The following VIT variants were observed in gnomAD, a reference collection of about 807,000 sequenced individuals.
VIT encodes the protein vitrin.
VIT carries 99 observed loss-of-function variants against 78.0 expected under a neutral mutation model. The observed-to-expected ratio is 1.27, with a 90% CI of 1.08 to 1.50. VIT has a LOEUF of 1.50. Ranked by LOEUF, VIT falls within the 40% of genes most tolerant of loss-of-function variation. VIT has a pLI of 0.00. For synonymous variants in VIT, 374 were observed against 334.3 expected, an observed-to-expected ratio of 1.12 and a Z score of -1.29; for missense variants, 1,126 against 875.3, an observed-to-expected ratio of 1.29 and a Z score of -3.61.
At position 36,726,362 on chromosome 2, in the gene VIT, T is replaced by A. The variant is rs1307943280; in HGVS notation, c.53-3064T>A. ...AAGTTATTGAACATTGTAAAAAACA[T>A]GAGGGATCAAATGTTTGTTTAAAAG... On this transcript the variant is annotated intron_variant, in intron 2 of 15. Coordinates refer to ENST00000379242, the MANE Select transcript of VIT (RefSeq NM_053276.4). Among the ~76,000 whole-genome samples, 5 of 152,174 alleles carry A rather than the reference T, an allele frequency of 3.3e-5. No homozygotes were observed. In the South Asian group the frequency reaches 1.0e-3, roughly 31 times the overall value.
chr2:36,767,212 G>A lies in VIT; in HGVS notation c.606G>A (p.Arg202=), dbSNP rs755436605. Residue 202 remains arginine, a synonymous_variant, in exon 7 of 16, where the codon AGG becomes AGA. Coordinates refer to ENST00000379242, the MANE Select transcript of VIT (RefSeq NM_053276.4). ...TGGCCACCCCCACCACCTTGCCAAGGCCATCCCCTTCTGCTGCTTCTACCA... is the reference window on the plus strand; with the variant it reads ...TGGCCACCCCCACCACCTTGCCAAGACCATCCCCTTCTGCTGCTTCTACCA... ...VAVATPTTLP[R]PSPSAASTTS... is the part of the protein sequence containing the mutation. The A allele has an allele frequency of 4.4e-6, 7 of 1,608,330 alleles. No homozygotes were observed. Among genetic ancestry groups the A allele is most frequent in the South Asian group, 3.3e-5 (3 of 89,716 alleles).
At chr2:36,736,733 C>T (rs891445301) in intron 3 of VIT, among the ~76,000 whole-genome samples, 31 of 152,218 alleles carry the variant, frequency 2.0e-4, no homozygotes, top group Non-Finnish European at 2.9e-4. Context: ...CTATCCCCAA[C>T]ACACACTCAG....
intron 5 of VIT, among the ~76,000 whole-genome samples, chr2:36,758,732 A>C (rs1668918949): frequency 6.6e-6 from 1 of 152,260 alleles, no homozygotes; most frequent in South Asian, 2.1e-4. Flanking sequence ...GATGTTAAGC[A>C]ACTCTGAATC....
chr2:36,813,992 A>G (rs780889010), intron 15 of VIT, among the ~76,000 whole-genome samples, 191 bp from the exon 16 acceptor site: 12 of 152,356 alleles, frequency 7.9e-5, no homozygotes, highest in Middle Eastern at 6.8e-3. Context: ...TTATTGAGTG[A>G]ATAAATGAAT....
intron 15 of VIT, among the ~76,000 whole-genome samples, chr2:36,810,350 A>G (rs891167597): frequency 1.3e-5 from 2 of 152,254 alleles, no homozygotes; most frequent in African/African-American, 4.8e-5. Context: ...GAGGGCAACA[A>G]AATTTTAAAA....
chr2:36,706,788 A>T (rs774745774), intron 1 of VIT, among the ~76,000 whole-genome samples: 4 of 152,264 alleles, frequency 2.6e-5, no homozygotes, highest in Non-Finnish European at 5.9e-5. Flanking sequence ...AGGCTTTGAA[A>T]AGTGAAAAGT....
intron 1 of VIT, among the ~76,000 whole-genome samples, chr2:36,703,498 T>C (rs1451404169): frequency 6.6e-6 from 1 of 152,152 alleles, no homozygotes; most frequent in Non-Finnish European, 1.5e-5. Context: ...CATTACACAG[T>C]CAATTACAAT....
At chr2:36,719,134 G>C (rs1311685135) in intron 2 of VIT, among the ~76,000 whole-genome samples, 1 of 152,206 alleles carries the variant, frequency 6.6e-6, no homozygotes, top group Non-Finnish European at 1.5e-5. Flanking sequence ...TGCCCTTCTG[G>C]CTTGCTTATT....
chr2:36,761,769 G>C (rs950992464), intron 6 of VIT, among the ~76,000 whole-genome samples: 2 of 151,868 alleles, frequency 1.3e-5, no homozygotes, highest in Non-Finnish European at 2.9e-5. Context: ...AGGAGTACTT[G>C]TGCCCTTCTG....
chr2:36,758,126 A>G (rs907544632), intron 5 of VIT, among the ~76,000 whole-genome samples: 1 of 152,258 alleles, frequency 6.6e-6, no homozygotes, highest in Non-Finnish European at 1.5e-5. Flanking sequence ...GCTAACAGGT[A>G]GTACCCCTAC....
chr2:36,735,354 A>C (rs997144113), intron 3 of VIT, among the ~76,000 whole-genome samples: 1 of 152,166 alleles, frequency 6.6e-6, no homozygotes. Flanking sequence ...ATTTTATCCC[A>C]CCATATTTGG....
chr2:36,775,014 A>T lies in VIT; in HGVS notation c.749A>T (p.Gln250Leu). 6.2e-7 allele frequency: 1 copy of T among 1,614,164 alleles called. No homozygotes were observed. The highest frequency in any genetic ancestry group is 8.5e-7 in the Non-Finnish European group (1 of 1,180,028). Residue 250 changes from glutamine to leucine, a missense_variant, in exon 9 of 16, where the codon CAA (glutamine) becomes CTA (leucine). By Grantham distance (113) the Gln-to-Leu change is moderately radical. Coordinates refer to ENST00000379242, the MANE Select transcript of VIT (RefSeq NM_053276.4). ...GTAATCCCCTCAGGTATCCAAAGGC[A>T]AGATCCTTCAGGAGCTGCCTTCCAG... ...RPRADPGIQR[Q>L]DPSGAAFQKP...
chr2:36,741,668 G>C (rs1177736270), intron 3 of VIT, among the ~76,000 whole-genome samples: 1 of 152,118 alleles, frequency 6.6e-6, no homozygotes, highest in Admixed American at 6.5e-5. Flanking sequence ...GCCTGGCAGA[G>C]CTCCTGGATC....
rs555218775 is a variant in VIT at position 36,808,521 on chromosome 2, T to G, written c.1439T>G (p.Phe480Cys). ...GFYSLHVQSW[F>C]GLHKTLQPLV... Reference sequence around the variant, plus strand: ...TACTCGCTCCACGTGCAGAGCTGGTTTGGCCTCCACAAGACCCTGCAGCCT... The same window carrying G: ...TACTCGCTCCACGTGCAGAGCTGGTGTGGCCTCCACAAGACCCTGCAGCCT... The change falls in exon 15 of 16, where the codon TTT becomes TGT. Residue 480 changes from phenylalanine to cysteine, a missense_variant. Transcript: ENST00000379242. 6.2e-7 allele frequency: 1 copy of G among 1,613,702 alleles called. No individual in the cohort carries two copies. Among genetic ancestry groups the G allele is most frequent in the East Asian group, 2.2e-5 (1 of 44,858 alleles).
chr2:36,786,560 C>T (rs11904358), intron 11 of VIT, among the ~76,000 whole-genome samples: 2,403 of 152,274 alleles, frequency 0.016, 60 homozygotes, highest in African/African-American at 0.055. Context: ...CGGATAGCTA[C>T]GAACAAGGGC....
chr2:36,743,263 G>A lies in VIT; in HGVS notation c.275+7G>A. Reference sequence around the variant, plus strand: ...GTGGCGCTGCCGTACACAGGTGAGTGGTTCTGAGCTACTTAATAACTAACT... The same window carrying A: ...GTGGCGCTGCCGTACACAGGTGAGTAGTTCTGAGCTACTTAATAACTAACT... On this transcript the variant is annotated splice_region_variant and intron_variant, in intron 4 of 15. Transcript: ENST00000379242. The A allele has an allele frequency of 6.3e-7, 1 of 1,595,518 alleles. No individual in the cohort carries two copies. Among genetic ancestry groups the A allele is most frequent in the Non-Finnish European group, 8.6e-7 (1 of 1,166,592 alleles).
intron 4 of VIT, among the ~76,000 whole-genome samples, chr2:36,752,908 A>T (rs532682112): frequency 6.6e-6 from 1 of 152,234 alleles, no homozygotes; most frequent in East Asian, 1.9e-4. Context: ...ACATGCATAC[A>T]TATGTTCATT....
In VIT at chr2:36,772,718, TAAAC is replaced by T. The variant is rs761878504; in HGVS notation, c.680-1061_680-1058del. Among the ~76,000 whole-genome samples the T allele has an allele frequency of 1.2e-4, 18 of 152,086 alleles. 1 individual carries two copies. In the East Asian group the frequency reaches 1.3e-3, roughly 11 times the overall value. On this transcript the variant is annotated intron_variant, in intron 7 of 15. Coordinates refer to ENST00000379242, the MANE Select transcript of VIT (RefSeq NM_053276.4). ...TGAGAGCCTGACTGAAAACAAAAAA[TAAAC>T]AAACAAACAAAGAAACCTACTTTGA...
intron 4 of VIT, among the ~76,000 whole-genome samples, chr2:36,748,654 T>C (rs1434706901): frequency 6.6e-6 from 1 of 152,240 alleles, no homozygotes; most frequent in Non-Finnish European, 1.5e-5. Flanking sequence ...TGGGCTTCCT[T>C]GGATTAGGTT....
Sources: gnomAD v4.1 joint callset for allele counts (sites outside exome capture counted in the v4.1 genomes callset) on GRCh38, gnomAD v4.1.1 for gene constraint, MANE v1.5 for transcripts, NCBI Gene and HGNC (gene_info 2026-07-23, HGNC 2026-07-21) for gene names.